The following DYM variants were observed in gnomAD, a reference collection of about 807,000 sequenced individuals.
DYM encodes the protein dymeclin.
A neutral mutation model predicts 93.1 loss-of-function variants in DYM; 78 were observed. That is an observed-to-expected ratio of 0.84 (90% CI 0.70 to 1.01). The LOEUF (loss-of-function observed/expected upper bound fraction) is 1.01. DYM is among the 50% of genes least tolerant of loss of function. DYM has a pLI of 0.00. For synonymous variants in DYM, 321 were observed against 319.7 expected (o/e 1.00, Z -0.04); for missense variants, 789 against 845.0 (o/e 0.93, Z 0.82).
rs376612823 is a variant in DYM at position 49,379,644 on chromosome 18, T to C, written c.287+21A>G. 1.3e-5 allele frequency: 20 copies of C among 1,565,922 alleles called. No homozygotes were observed. In the Admixed American group the frequency reaches 2.7e-4, roughly 21 times the overall value. ...CACATTGTTAAATATAAAGCAAACA[T>C]GGTTTAATTAGCCAGCTTACTTCTG... On this transcript the variant is annotated intron_variant, in intron 4 of 17. Coordinates refer to ENST00000675505, the MANE Select transcript of DYM (RefSeq NM_001353214.3).
chr18:49,151,876 G>C (rs2085853993), intron 15 of DYM, among the ~76,000 whole-genome samples: 2 of 152,096 alleles, frequency 1.3e-5, no homozygotes, highest in Non-Finnish European at 2.9e-5. Flanking sequence ...GAAAATTAAA[G>C]ATTTCTCAAA....
chr18:49,123,363 C>A (rs1039398467), intron 15 of DYM, among the ~76,000 whole-genome samples: 1 of 152,058 alleles, frequency 6.6e-6, no homozygotes, highest in Non-Finnish European at 1.5e-5. Context: ...CAGTACTGGC[C>A]GGGTTTATCA....
intron 2 of DYM, among the ~76,000 whole-genome samples, chr18:49,421,707 G>A (rs912687036): frequency 5.9e-5 from 9 of 152,194 alleles, no homozygotes; most frequent in African/African-American, 1.7e-4. Context: ...AAACTTCTCC[G>A]AGCTAAAGGA....
Position 49,387,358 on chromosome 18 carries a change from C to A in DYM, c.193+4235G>T, listed in dbSNP as rs1056708202. 2.6e-5 allele frequency among the ~76,000 whole-genome samples: 4 copies of A among 152,108 alleles called. No individual in the cohort carries two copies. In the South Asian group the frequency reaches 8.3e-4, roughly 32 times the overall value. On this transcript the variant is annotated intron_variant, in intron 3 of 17. Coordinates refer to ENST00000675505, the MANE Select transcript of DYM (RefSeq NM_001353214.3). ...AAGTTGTGATCTCGGCTCACCGCAA[C>A]CTCTGCCTTCCGGGTTCAAGTGATT...
intron 13 of DYM, among the ~76,000 whole-genome samples, chr18:49,232,348 C>A (rs909463393): frequency 6.6e-6 from 1 of 151,436 alleles, no homozygotes; most frequent in African/African-American, 2.4e-5. Context: ...ACTCTGTCAC[C>A]CAGGCTGGAG....
chr18:49,124,508 CAAA>C (rs5824778), intron 15 of DYM, among the ~76,000 whole-genome samples: 52 of 131,710 alleles, frequency 3.9e-4, no homozygotes, highest in Admixed American at 3.8e-4. Context: ...GACCCTGTCT[CAAA>C]AAAAAAAAAA....
chr18:49,093,150 A>G (rs1568407698), intron 17 of DYM: 1 of 152,076 alleles, frequency 6.6e-6, no homozygotes, highest in Non-Finnish European at 1.5e-5. Context: ...ATGTGGAGAA[A>G]ACCACCGAGT....
intron 13 of DYM, among the ~76,000 whole-genome samples, chr18:49,255,754 G>A (rs1306457357): frequency 1.3e-5 from 2 of 151,862 alleles, no homozygotes; most frequent in Admixed American, 1.3e-4. Context: ...CTTCACTGGG[G>A]TTCTATTTGA....
intron 14 of DYM, among the ~76,000 whole-genome samples, chr18:49,169,920 T>C (rs746377882): frequency 3.9e-5 from 6 of 151,944 alleles, no homozygotes; most frequent in Non-Finnish European, 5.9e-5. Context: ...TTAAAGCAAA[T>C]GGGAGCTATG....
intron 17 of DYM, among the ~76,000 whole-genome samples, chr18:49,052,705 T>C (rs1346540023): frequency 6.6e-6 from 1 of 152,246 alleles, no homozygotes; most frequent in Non-Finnish European, 1.5e-5. Flanking sequence ...TCCGTCTGGC[T>C]CTTCTCTGCC....
At chr18:49,388,024 C>T (rs2147838263) in intron 3 of DYM, among the ~76,000 whole-genome samples, 1 of 152,232 alleles carries the variant, frequency 6.6e-6, no homozygotes, top group East Asian at 1.9e-4. Flanking sequence ...ATAGTTTTAA[C>T]AGCAAATGGG....
At chr18:49,149,780 C>G (rs950186212) in intron 15 of DYM, among the ~76,000 whole-genome samples, 4 of 142,294 alleles carry the variant, frequency 2.8e-5, no homozygotes, top group African/African-American at 1.0e-4. Flanking sequence ...AATCTCGGCT[C>G]ACTGCAACCT....
chr18:49,071,069 G>T (rs1243055139), intron 17 of DYM, among the ~76,000 whole-genome samples: 2 of 152,156 alleles, frequency 1.3e-5, no homozygotes, highest in Non-Finnish European at 2.9e-5. Context: ...GTTCCTGTAG[G>T]TTAGGGCTGG....
At chr18:49,163,091 G>A (rs561344450) in intron 15 of DYM, among the ~76,000 whole-genome samples, 1 of 152,236 alleles carries the variant, frequency 6.6e-6, no homozygotes, top group South Asian at 2.1e-4. Context: ...CCCTGCTTTT[G>A]TTTTTGTGTT....
At chr18:49,239,422 G>A (rs911065340) in intron 13 of DYM, among the ~76,000 whole-genome samples, 2 of 152,126 alleles carry the variant, frequency 1.3e-5, no homozygotes, top group African/African-American at 4.8e-5. Context: ...TCCAAAGATG[G>A]CCACAAATGA....
chr18:49,340,129 T>C (rs531970993), intron 6 of DYM, among the ~76,000 whole-genome samples: 2 of 152,224 alleles, frequency 1.3e-5, no homozygotes, highest in Non-Finnish European at 2.9e-5. Context: ...TTTTTCTGTA[T>C]TTTTAGTAGA....
intron 5 of DYM, among the ~76,000 whole-genome samples, chr18:49,363,671 T>C (rs61178658): frequency 3.3e-5 from 5 of 152,340 alleles, no homozygotes; most frequent in East Asian, 3.9e-4. Flanking sequence ...CTTGATTTCT[T>C]GATGGGAGGG....
At position 49,124,641 on chromosome 18, in the gene DYM, CA is replaced by C. The variant is rs542847414; in HGVS notation, c.1729-5716del. 2.9e-3 allele frequency among the ~76,000 whole-genome samples: 442 copies of C among 152,096 alleles called. 3 individuals are homozygous for C. Among genetic ancestry groups the C allele is most frequent in the African/African-American group, 0.01 (426 of 41,486 alleles). ...TTTTTAGAGTTATTGGGTATTTTACCAAACTTCTCTTACATTGTTTCTGTGA... is the reference window on the plus strand; with the variant it reads ...TTTTTAGAGTTATTGGGTATTTTACCAACTTCTCTTACATTGTTTCTGTGA... On this transcript the variant is annotated intron_variant, in intron 15 of 17. Coordinates refer to ENST00000675505, the MANE Select transcript of DYM (RefSeq NM_001353214.3).
At chr18:49,144,095 A>G (rs2084825238) in intron 15 of DYM, among the ~76,000 whole-genome samples, 1 of 152,208 alleles carries the variant, frequency 6.6e-6, no homozygotes, top group Admixed American at 6.5e-5. Context: ...CAGAATGAGA[A>G]TTCAAATAAA....
Sources: gnomAD v4.1 joint callset for allele counts (sites outside exome capture counted in the v4.1 genomes callset) on GRCh38, gnomAD v4.1.1 for gene constraint, MANE v1.5 for transcripts, NCBI Gene and HGNC (gene_info 2026-07-23, HGNC 2026-07-21) for gene names.